The following C6orf132 variants were observed in gnomAD, a reference collection of about 807,000 sequenced individuals.
C6orf132 encodes uncharacterized protein C6orf132.
A neutral mutation model predicts 65.3 loss-of-function variants in C6orf132; 43 were observed. The ratio of observed to expected loss-of-function variants is 0.66; its 90% CI spans 0.52 to 0.85. The LOEUF (loss-of-function observed/expected upper bound fraction) is 0.85. Ranked by LOEUF, C6orf132 falls within the 40% of genes least tolerant of loss-of-function variation. C6orf132 has a pLI of 0.00. For synonymous variants in C6orf132, 631 were observed against 654.1 expected (o/e 0.96, Z 0.54); for missense variants, 1,488 against 1,548.8 (o/e 0.96, Z 0.66).
intron 1 of C6orf132, among the ~76,000 whole-genome samples, chr6:42,131,744 T>C (rs1286734664): frequency 6.6e-6 from 1 of 152,212 alleles, no homozygotes; most frequent in Non-Finnish European, 1.5e-5. Context: ...ATCCCATGAC[T>C]CAGCCCTGAC....
chr6:42,110,342 TTC>T (rs1766475741), intron 2 of C6orf132, 51 bp from the exon 3 acceptor site: 1 of 1,424,340 alleles, frequency 7.0e-7, no homozygotes, highest in African/African-American at 1.4e-5. Flanking sequence ...GGACAGATAA[TTC>T]TCAAACTGCT....
intron 2 of C6orf132, among the ~76,000 whole-genome samples, chr6:42,122,696 C>T (rs964500952): frequency 6.6e-5 from 10 of 152,196 alleles, no homozygotes; most frequent in African/African-American, 2.2e-4. Context: ...CAAAAGGTGC[C>T]TAGGCCTTGA....
rs746437570 is a variant in C6orf132 at position 42,103,210 on chromosome 6, A to C, written c.*551T>G. On this transcript the variant is annotated 3_prime_UTR_variant, in exon 5 of 5. Coordinates refer to ENST00000341865, the MANE Select transcript of C6orf132 (RefSeq NM_001164446.3). ...CATACACATTCCTGGTCCCACCTCA[A>C]TGCGGCTAGGAACCCCAGGTGTCCA... 2.5e-6 allele frequency: 1 copy of C among 398,474 alleles called. No homozygotes were observed. Among genetic ancestry groups the C allele is most frequent in the Non-Finnish European group, 4.4e-6 (1 of 226,080 alleles). The allele number at this position is 398,474 out of a possible 1,614,324, so 24.7% of individuals were successfully genotyped here.
chr6:42,135,635 A>G (rs777262953), intron 1 of C6orf132, among the ~76,000 whole-genome samples: 15 of 152,256 alleles, frequency 9.9e-5, no homozygotes, highest in Non-Finnish European at 1.8e-4. Flanking sequence ...ATTCTGGGAC[A>G]GTTATTTAGT....
At chr6:42,121,751 G>A (rs146155215) in intron 2 of C6orf132, among the ~76,000 whole-genome samples, 3 of 152,342 alleles carry the variant, frequency 2.0e-5, no homozygotes, top group East Asian at 1.9e-4. Flanking sequence ...CCTGTGGGGC[G>A]GGGTGTGGAG....
At chr6:42,116,178 G>A (rs891099833) in intron 2 of C6orf132, among the ~76,000 whole-genome samples, 1 of 151,668 alleles carries the variant, frequency 6.6e-6, no homozygotes, top group South Asian at 2.1e-4. Flanking sequence ...TCCGCCCGCC[G>A]TGGCCTCCCA....
Position 42,128,248 on chromosome 6 carries a change from C to T in C6orf132, c.252+424G>A, listed in dbSNP as rs573345813. Among the ~76,000 whole-genome samples, 71 of 152,184 alleles carry T rather than the reference C, an allele frequency of 4.7e-4. 1 individual carries two copies. The highest frequency in any genetic ancestry group is 3.4e-3 in the Middle Eastern group (1 of 294). On this transcript the variant is annotated intron_variant, in intron 2 of 4. Transcript: ENST00000341865. ...CACAATGACACTCTTTTGAATATAC[C>T]GGGTTAAGCAAAATATATTTGTCTC...
At chr6:42,118,802 G>A (rs894951680) in intron 2 of C6orf132, among the ~76,000 whole-genome samples, 2 of 151,608 alleles carry the variant, frequency 1.3e-5, no homozygotes, top group East Asian at 1.9e-4. Context: ...TAAGACCATC[G>A]GTCACTTCAC....
intron 2 of C6orf132, among the ~76,000 whole-genome samples, chr6:42,128,128 G>A (rs571085911): frequency 4.0e-5 from 6 of 151,230 alleles, no homozygotes; most frequent in South Asian, 2.1e-4. Flanking sequence ...GGGTTTCACC[G>A]TGTTAGCCAG....
intron 2 of C6orf132, among the ~76,000 whole-genome samples, chr6:42,117,145 T>C (rs1231319901): frequency 6.6e-6 from 1 of 152,206 alleles, no homozygotes; most frequent in Non-Finnish European, 1.5e-5. Flanking sequence ...CCAGAGTTAA[T>C]TCTCCTCCCT....
intron 2 of C6orf132, among the ~76,000 whole-genome samples, chr6:42,117,848 C>CAGG (rs10639692): frequency 0.54 from 79,350 of 145,838 alleles, 21,782 homozygotes; most frequent in Middle Eastern, 0.7. Flanking sequence ...CACTTGAACC[C>CAGG]AGGAGGTGGA....
chr6:42,142,419 C>A lies in C6orf132; in HGVS notation c.26G>T (p.Gly9Val), dbSNP rs775863028. Reference protein sequence around the residue: MKKKQTVQGTFSKLFGKKH... With the variant: MKKKQTVQVTFSKLFGKKH... ...CTTCCCGAAGAGTTTGCTGAAGGTGCCCTGCACCGTCTGCTTCTTTTTCAT... is the reference window on the plus strand; with the variant it reads ...CTTCCCGAAGAGTTTGCTGAAGGTGACCTGCACCGTCTGCTTCTTTTTCAT... Residue 9 changes from glycine to valine, a missense_variant, in exon 1 of 5, where the codon GGC (glycine) becomes GTC (valine). Gly to Val is a moderately radical substitution (Grantham distance 109). Coordinates refer to ENST00000341865, the MANE Select transcript of C6orf132 (RefSeq NM_001164446.3). 54 of 1,551,138 alleles carry A rather than the reference C, an allele frequency of 3.5e-5. No homozygotes were observed. Among genetic ancestry groups the A allele is most frequent in the Non-Finnish European group, 4.4e-5 (51 of 1,146,776 alleles).
At chr6:42,131,845 A>G (rs1766858056) in intron 1 of C6orf132, among the ~76,000 whole-genome samples, 1 of 152,192 alleles carries the variant, frequency 6.6e-6, no homozygotes, top group Non-Finnish European at 1.5e-5. Context: ...AAACATATAG[A>G]AGGGTAGTGG....
chr6:42,105,734 G>A lies in C6orf132; in HGVS notation c.2178C>T (p.Ser726=), dbSNP rs1364156995. ...CCTCTCCCCTTGCCTGGGAGGGAGTGGAAACTTCTTGAGATGCTGGCTTCT... is the reference window on the plus strand; with the variant it reads ...CCTCTCCCCTTGCCTGGGAGGGAGTAGAAACTTCTTGAGATGCTGGCTTCT... ...QPEKPASQEV[S]TPSQARGEGS... The change falls in exon 4 of 5, where the codon TCC becomes TCT. Residue 726 remains serine, a synonymous_variant. Transcript: ENST00000341865. 2.0e-6 allele frequency: 3 copies of A among 1,537,204 alleles called. No homozygotes were observed. Among genetic ancestry groups the A allele is most frequent in the African/African-American group, 1.4e-5 (1 of 73,070 alleles).
At chr6:42,125,287 G>A (rs932589933) in intron 2 of C6orf132, among the ~76,000 whole-genome samples, 18 of 152,256 alleles carry the variant, frequency 1.2e-4, no homozygotes, top group East Asian at 3.9e-4. Flanking sequence ...CCACTTAGCC[G>A]CAATACCTTA....
At position 42,105,799 on chromosome 6, in the gene C6orf132, GT is replaced by G. The variant is rs745658503; in HGVS notation, c.2112del (p.Gln704HisfsTer2). 6.5e-7 allele frequency: 1 copy of G among 1,537,214 alleles called. No individual in the cohort carries two copies. Reference protein sequence around the residue: ...TATTLPTTTSQLMAEKDSGPA... With the variant: ...TATTLPTTTSXLMAEKDSGPA... ...GGGCCTGAGTCCTTCTCTGCCATCA[GT>G]TGGGATGTGGTGGTGGGCAGAGTTG... On this transcript the variant is annotated frameshift_variant, in exon 4 of 5. Coordinates refer to ENST00000341865, the MANE Select transcript of C6orf132 (RefSeq NM_001164446.3). LOFTEE classifies it high-confidence loss of function.
At chr6:42,131,543 AC>A (rs1383796937) in intron 1 of C6orf132, among the ~76,000 whole-genome samples, 1 of 151,840 alleles carries the variant, frequency 6.6e-6, no homozygotes, top group East Asian at 1.9e-4. Context: ...CCATACATAC[AC>A]CCCTAAAGGG....
intron 3 of C6orf132, among the ~76,000 whole-genome samples, chr6:42,107,871 G>A (rs1231998020): frequency 2.6e-5 from 4 of 152,066 alleles, no homozygotes; most frequent in Admixed American, 6.5e-5. Flanking sequence ...AACCTGTGCC[G>A]GGACTCCCTT....
intron 2 of C6orf132, among the ~76,000 whole-genome samples, chr6:42,114,479 T>C (rs1177695716): frequency 6.6e-6 from 1 of 152,362 alleles, no homozygotes; most frequent in Non-Finnish European, 1.5e-5. Flanking sequence ...CTTTCACTGA[T>C]GTTTTTTCAG....
Sources: gnomAD v4.1 joint callset for allele counts (sites outside exome capture counted in the v4.1 genomes callset) on GRCh38, gnomAD v4.1.1 for gene constraint, MANE v1.5 for transcripts, NCBI Gene and HGNC (gene_info 2026-07-23, HGNC 2026-07-21) for gene names.